Variants in SERPINF1 observed in about 807,000 individuals in gnomAD.
SERPINF1 encodes serpin family F member 1.
Under a neutral mutation model 37.3 loss-of-function variants are expected in SERPINF1, and 29 were observed. That is an observed-to-expected ratio of 0.78 (90% CI 0.58 to 1.06). SERPINF1 has a LOEUF of 1.06. Ranked by LOEUF, SERPINF1 falls within the 50% of genes least tolerant of loss-of-function variation. The pLI is 0.00. For synonymous variants in SERPINF1, 281 were observed against 227.9 expected, an observed-to-expected ratio of 1.23 and a Z score of -2.10; for missense variants, 553 against 532.2, an observed-to-expected ratio of 1.04 and a Z score of -0.38.
In SERPINF1 at chr17:1,769,911, A is replaced by G. The variant is rs757539599; in HGVS notation, c.144A>G (p.Lys48=). The G allele has an allele frequency of 3.1e-6, 5 of 1,614,038 alleles. No homozygotes were observed. In the East Asian group the frequency reaches 1.1e-4, roughly 36 times the overall value. Residue 48 remains lysine, a synonymous_variant, in exon 3 of 8, where the codon AAA becomes AAG. Transcript: ENST00000254722. ...ALVEEEDPFF[K]VPVNKLAAAV... is the part of the protein sequence containing the mutation. ...TGGAGGAGGAGGATCCTTTCTTCAA[A>G]GTCCCCGTGAACAAGCTGGCAGCGG... is the stretch of plus-strand genomic sequence containing the variant.
chr17:1,769,695 T>TAA (rs1211550789), intron 2 of SERPINF1, 157 bp from the exon 3 acceptor site: 1 of 769,822 alleles, frequency 1.3e-6, no homozygotes, highest in African/African-American at 1.7e-5. Flanking sequence ...GATCAGGGAG[T>TAA]AAAACTCATT....
At chr17:1,766,787 G>A in intron 1 of SERPINF1, 116 bp from the exon 2 acceptor site, 1 of 977,142 alleles carries the variant, frequency 1.0e-6, no homozygotes, top group Non-Finnish European at 1.6e-6. Flanking sequence ...CAGGGGGTGG[G>A]GGAAAGTGAC....
chr17:1,763,587 A>C (rs1305671633), intron 1 of SERPINF1, among the ~76,000 whole-genome samples: 1 of 152,050 alleles, frequency 6.6e-6, no homozygotes, highest in Non-Finnish European at 1.5e-5. Context: ...GTCCATGCAG[A>C]CCCCCACGCT....
At chr17:1,775,887 C>A (rs1242389399) in intron 6 of SERPINF1, among the ~76,000 whole-genome samples, 1 of 152,228 alleles carries the variant, frequency 6.6e-6, no homozygotes, top group Non-Finnish European at 1.5e-5. Context: ...AGTTCTAAGT[C>A]TGTAACTGTT....
intron 4 of SERPINF1, 41 bp from the exon 5 acceptor site, chr17:1,771,831 G>T: frequency 6.3e-7 from 1 of 1,589,268 alleles, no homozygotes; most frequent in African/African-American, 1.3e-5. Context: ...GATGCTTGTC[G>T]TCGAGTCTCA....
intron 5 of SERPINF1, 104 bp downstream of exon 5, chr17:1,772,179 C>A (rs1204357522): frequency 1.6e-6 from 2 of 1,235,028 alleles, no homozygotes; most frequent in Non-Finnish European, 2.3e-6. Context: ...TGCAGTGGTG[C>A]GATCTCAGCT....
intron 5 of SERPINF1, 76 bp from the exon 6 acceptor site, chr17:1,774,981 TG>T (rs755755141): frequency 3.1e-5 from 49 of 1,597,742 alleles, no homozygotes; most frequent in Non-Finnish European, 4.2e-5. Flanking sequence ...TTCAACAACG[TG>T]CTCTGGGGAC....
intron 7 of SERPINF1, 62 bp from the exon 8 acceptor site, chr17:1,777,125 T>A (rs1335409096): frequency 6.2e-7 from 1 of 1,612,782 alleles, no homozygotes; most frequent in Non-Finnish European, 8.5e-7. Context: ...TGCAAAGGGA[T>A]CCCTTGGTTG....
chr17:1,773,394 C>T (rs1304211969), intron 5 of SERPINF1, among the ~76,000 whole-genome samples: 3 of 152,226 alleles, frequency 2.0e-5, no homozygotes, highest in South Asian at 2.1e-4. Flanking sequence ...TACAGGCGCC[C>T]GCCACCACAC....
intron 6 of SERPINF1, among the ~76,000 whole-genome samples, chr17:1,775,938 G>A (rs1053929227): frequency 1.3e-4 from 20 of 152,194 alleles, no homozygotes; most frequent in Non-Finnish European, 2.5e-4. Context: ...ATCTCTCTGG[G>A]AATCTGACGA....
chr17:1,769,766 AC>A lies in SERPINF1; in HGVS notation c.85-83del, dbSNP rs1023075947. 3.4e-6 allele frequency: 5 copies of A among 1,459,116 alleles called. No homozygotes were observed. The African/African-American group carries it at 7.0e-5, about 20-fold the overall frequency. 90.4% of individuals were successfully genotyped at this position (1,459,116 alleles called of 1,614,324 possible). A position where few individuals can be genotyped will look rare whatever the true frequency, so the allele number is the denominator to read the frequency against. On this transcript the variant is annotated intron_variant, in intron 2 of 7. Coordinates refer to ENST00000254722, the MANE Select transcript of SERPINF1 (RefSeq NM_002615.7). The stretch of plus-strand genomic sequence containing the variant: ...ACAGCCCCAAGGGGCCAGAACCACC[AC>A]CCTACACAAAGCCGTGAGGAGACAG...
chr17:1,763,155 C>T (rs1264043057), intron 1 of SERPINF1, among the ~76,000 whole-genome samples: 1 of 152,182 alleles, frequency 6.6e-6, no homozygotes, highest in Non-Finnish European at 1.5e-5. Flanking sequence ...TCCGGAGAGC[C>T]AGGGGAGGGG....
At position 1,765,434 on chromosome 17, in the gene SERPINF1, G is replaced by A. The variant is rs1907315676; in HGVS notation, c.-8-1469G>A. 2.6e-5 allele frequency among the ~76,000 whole-genome samples: 4 copies of A among 152,042 alleles called. 1 individual carries two copies. The South Asian group carries it at 8.3e-4, about 32-fold the overall frequency. On this transcript the variant is annotated intron_variant, in intron 1 of 7. Transcript: ENST00000254722. ...CCTCCCAGGTTCAAGTGATTCTCCT[G>A]CCTCAGCCTCCTGAGTAACTGGGAT...
At chr17:1,762,483 G>A (rs1387715507) in intron 1 of SERPINF1, among the ~76,000 whole-genome samples, 1 of 152,204 alleles carries the variant, frequency 6.6e-6, no homozygotes, top group Admixed American at 6.5e-5. Context: ...TGGAGCCCGA[G>A]GCAAGGAGGC....
chr17:1,763,121 G>T (rs182347349), intron 1 of SERPINF1, among the ~76,000 whole-genome samples: 1 of 152,326 alleles, frequency 6.6e-6, no homozygotes, highest in East Asian at 1.9e-4. Context: ...CCATGGGTGG[G>T]CCAGAGAGGA....
chr17:1,764,492 C>T (rs572483768), intron 1 of SERPINF1, among the ~76,000 whole-genome samples: 3 of 152,336 alleles, frequency 2.0e-5, no homozygotes, highest in Admixed American at 6.5e-5. Flanking sequence ...AGGGCAGCCA[C>T]GTGCAAGAGC....
chr17:1,770,783 G>A, intron 3 of SERPINF1: 1 of 490,596 alleles, frequency 2.0e-6, no homozygotes, highest in South Asian at 2.0e-5. Flanking sequence ...GGGCTATGAT[G>A]GGAGAAGTAC....
Position 1,771,953 on chromosome 17 carries a change from G to A in SERPINF1, c.521G>A (p.Arg174His), listed in dbSNP as rs778071578. ...CCCAGAGTCCTGACGGGCAACCCTC[G>A]CTTGGACCTGCAAGAGATCAACAAC... ...TRPRVLTGNP[R>H]LDLQEINNWV... Residue 174 changes from arginine (R) to histidine (H), a missense_variant, in exon 5 of 8, where the codon CGC (arginine) becomes CAC (histidine). By Grantham distance (29) the Arg-to-His change is conservative. Transcript: ENST00000254722. The A allele has an allele frequency of 8.1e-6, 13 of 1,613,788 alleles. 1 individual carries two copies. The highest frequency in any genetic ancestry group is 1.6e-4 in the Middle Eastern group (1 of 6,080).
chr17:1,764,794 G>A (rs1445049917), intron 1 of SERPINF1, among the ~76,000 whole-genome samples: 1 of 151,912 alleles, frequency 6.6e-6, no homozygotes, highest in African/African-American at 2.4e-5. Flanking sequence ...ATGATGTGTT[G>A]GGGGCCAGGG....
Sources: allele counts gnomAD v4.1 joint callset (sites outside exome capture counted in the v4.1 genomes callset), GRCh38; gene constraint gnomAD v4.1.1; transcripts MANE v1.5; gene names NCBI Gene and HGNC (gene_info 2026-07-23, HGNC 2026-07-21).